Variants in CTNNA3 observed in about 807,000 individuals in gnomAD.
CTNNA3 encodes the protein catenin alpha 3.
In CTNNA3, 76 loss-of-function variants were observed where a neutral mutation model predicts 95.7. The ratio of observed to expected loss-of-function variants is 0.79; its 90% CI spans 0.66 to 0.96. The LOEUF (loss-of-function observed/expected upper bound fraction) is 0.96, where lower values mean the gene tolerates loss of function less well. Ranked by LOEUF, CTNNA3 falls within the 40% of genes least tolerant of loss-of-function variation. CTNNA3 has a pLI of 0.00. For synonymous variants in CTNNA3, 431 were observed against 374.4 expected, an observed-to-expected ratio of 1.15 and a Z score of -1.74; for missense variants, 1,191 against 1,089.8, an observed-to-expected ratio of 1.09 and a Z score of -1.31.
At chr10:66,675,994 A>G (rs979999564) in intron 9 of CTNNA3, among the ~76,000 whole-genome samples, 4 of 152,152 alleles carry the variant, frequency 2.6e-5, no homozygotes, top group African/African-American at 9.6e-5. Context: ...GCTATTGTTT[A>G]CATAAAACCA....
At chr10:67,586,517 G>C (rs1402249047) in intron 3 of CTNNA3, among the ~76,000 whole-genome samples, 1 of 151,976 alleles carries the variant, frequency 6.6e-6, no homozygotes, top group African/African-American at 2.4e-5. Context: ...ATTTAGAATT[G>C]TTCTATTCTC....
intron 13 of CTNNA3, among the ~76,000 whole-genome samples, chr10:66,116,293 T>G (rs989885152): frequency 6.6e-6 from 1 of 152,132 alleles, no homozygotes; most frequent in African/African-American, 2.4e-5. Flanking sequence ...TGTGGAGAAT[T>G]GTTTTTTTTA....
chr10:66,688,607 TCAG>T (rs942529469), intron 9 of CTNNA3, among the ~76,000 whole-genome samples: 1 of 152,148 alleles, frequency 6.6e-6, no homozygotes, highest in Non-Finnish European at 1.5e-5. Context: ...TTTCTTCACC[TCAG>T]CAGAAGATTT....
At chr10:67,256,306 A>G (rs1186710949) in intron 5 of CTNNA3, among the ~76,000 whole-genome samples, 2 of 152,160 alleles carry the variant, frequency 1.3e-5, no homozygotes, top group Non-Finnish European at 2.9e-5. Context: ...GCAATGTCTT[A>G]TTATCTTGAT....
chr10:66,844,759 C>T (rs1056184471), intron 7 of CTNNA3, among the ~76,000 whole-genome samples: 1 of 152,106 alleles, frequency 6.6e-6, no homozygotes, highest in Non-Finnish European at 1.5e-5. Flanking sequence ...ATGCAATAGC[C>T]CCCTCTCTGG....
chr10:66,585,091 T>G (rs767713252), intron 10 of CTNNA3, among the ~76,000 whole-genome samples: 4 of 152,058 alleles, frequency 2.6e-5, no homozygotes, highest in Non-Finnish European at 5.9e-5. Flanking sequence ...TACCTGATGC[T>G]TTTATTTTAC....
At chr10:67,507,522 G>A (rs1442040582) in intron 5 of CTNNA3, among the ~76,000 whole-genome samples, 7 of 141,822 alleles carry the variant, frequency 4.9e-5, no homozygotes, top group African/African-American at 1.6e-4. Context: ...GCTACAAAGG[G>A]AAACTCCATC....
At chr10:67,686,672 C>T (rs1840737794) in intron 1 of CTNNA3, among the ~76,000 whole-genome samples, 1 of 152,166 alleles carries the variant, frequency 6.6e-6, no homozygotes, top group South Asian at 2.1e-4. Flanking sequence ...GCCACCGCCA[C>T]AACTACCTGT....
chr10:67,286,245 CA>C (rs1419213959), intron 5 of CTNNA3, among the ~76,000 whole-genome samples: 4 of 152,154 alleles, frequency 2.6e-5, no homozygotes, highest in Non-Finnish European at 4.4e-5. Flanking sequence ...TCACACAGAA[CA>C]AGCTGATTTC....
chr10:67,650,769 C>T (rs1839854171), intron 1 of CTNNA3, among the ~76,000 whole-genome samples: 2 of 152,160 alleles, frequency 1.3e-5, no homozygotes, highest in South Asian at 2.1e-4. Context: ...GCACGAACCA[C>T]GTTGTGTTTT....
intron 1 of CTNNA3, among the ~76,000 whole-genome samples, chr10:67,651,217 G>C (rs987322170): frequency 6.6e-6 from 1 of 151,990 alleles, no homozygotes; most frequent in Non-Finnish European, 1.5e-5. Flanking sequence ...CCATGACACA[G>C]TCATCATACT....
chr10:66,716,887 A>T (rs531192349), intron 9 of CTNNA3, among the ~76,000 whole-genome samples: 24 of 152,190 alleles, frequency 1.6e-4, no homozygotes, highest in Non-Finnish European at 8.8e-5. Context: ...CTATCTGGTC[A>T]AATATTTATC....
At chr10:67,485,157 G>A (rs138802211) in intron 5 of CTNNA3, among the ~76,000 whole-genome samples, 2 of 152,128 alleles carry the variant, frequency 1.3e-5, no homozygotes, top group African/African-American at 2.4e-5. Context: ...TTGAAGTTGT[G>A]TCCTCTGCAG....
chr10:67,357,865 TGAA>T (rs554750228), intron 5 of CTNNA3, among the ~76,000 whole-genome samples: 106 of 152,196 alleles, frequency 7.0e-4, no homozygotes, highest in African/African-American at 2.2e-3. Context: ...TCCAAGAACT[TGAA>T]CTGTCTGACT....
intron 7 of CTNNA3, among the ~76,000 whole-genome samples, chr10:67,046,483 A>G (rs1422824176): frequency 6.6e-6 from 1 of 152,198 alleles, no homozygotes; most frequent in African/African-American, 2.4e-5. Flanking sequence ...TTGCCACGAT[A>G]TCTTCCTAGA....
chr10:66,169,264 A>G (rs2085295714), intron 13 of CTNNA3, among the ~76,000 whole-genome samples: 3 of 152,146 alleles, frequency 2.0e-5, no homozygotes, highest in African/African-American at 2.4e-5. Context: ...ACTTTTGAGT[A>G]AGAACATACA....
chr10:67,548,285 A>C (rs1840908957), intron 3 of CTNNA3, among the ~76,000 whole-genome samples: 1 of 152,210 alleles, frequency 6.6e-6, no homozygotes, highest in Non-Finnish European at 1.5e-5. Context: ...CCAGAAGCAG[A>C]TGCTGGTGCT....
intron 7 of CTNNA3, among the ~76,000 whole-genome samples, chr10:66,794,970 G>A (rs1399080807): frequency 6.6e-6 from 1 of 152,062 alleles, no homozygotes; most frequent in African/African-American, 2.4e-5. Context: ...CACATCTTCA[G>A]GCTCTACTTC....
rs1014717223 is a variant in CTNNA3 at position 66,766,434 on chromosome 10, A to C, written c.1129-18T>G. 1.4e-5 allele frequency: 22 copies of C among 1,585,094 alleles called. No homozygotes were observed. The highest frequency in any genetic ancestry group is 1.9e-5 in the Non-Finnish European group (22 of 1,164,316). On this transcript the variant is annotated intron_variant, in intron 8 of 17. Transcript: ENST00000433211. ...TTGCGGAGCTGAGAAGAAATGAAAA[A>C]TTCAGGTTTTTTTTTTCCAGGAAAT...
Sources: gnomAD v4.1 joint callset for allele counts (sites outside exome capture counted in the v4.1 genomes callset) on GRCh38, gnomAD v4.1.1 for gene constraint, MANE v1.5 for transcripts, NCBI Gene and HGNC (gene_info 2026-07-23, HGNC 2026-07-21) for gene names.